Variants in MIA2 observed in about 807,000 individuals in gnomAD.
MIA2 encodes melanoma inhibitory activity protein 2.
A neutral mutation model predicts 167.8 loss-of-function variants in MIA2; 127 were observed. The ratio of observed to expected loss-of-function variants is 0.76; its 90% CI spans 0.66 to 0.88. The LOEUF is 0.88. Ranked by LOEUF, MIA2 falls within the 40% of genes least tolerant of loss-of-function variation. MIA2 has a pLI of 0.00. For synonymous variants in MIA2, 552 were observed against 541.9 expected, an observed-to-expected ratio of 1.02 and a Z score of -0.26; for missense variants, 1,690 against 1,624.7, an observed-to-expected ratio of 1.04 and a Z score of -0.69.
chr14:39,370,144 A>C (rs1319355861), intron 23 of MIA2: 1 of 152,246 alleles, frequency 6.6e-6, no homozygotes, highest in Non-Finnish European at 1.5e-5. Flanking sequence ...TACTAGCTCA[A>C]ACACTAGACA....
chr14:39,332,357 A>G (rs766248087), intron 25 of MIA2, among the ~76,000 whole-genome samples: 27 of 151,996 alleles, frequency 1.8e-4, no homozygotes, highest in African/African-American at 3.6e-4. Flanking sequence ...CCTTTTATCA[A>G]TGTTCTTAGC....
rs940638717 is a variant in MIA2, at chr14:39,266,933, C to G, written c.1888-10001C>G. The G allele has an allele frequency of 7.7e-6, 5 of 645,602 alleles. No homozygotes were observed. The African/African-American group carries it at 9.9e-5, about 13-fold the overall frequency. The allele number at this position is 645,602 out of a possible 1,614,324, so 40.0% of individuals were successfully genotyped here. ...GAGGCGGGTGCCCTTGGGACATAGC[C>G]CTGGTCTTTGGGGTTGTGCGGCTCA... On this transcript the variant is annotated intron_variant, in intron 6 of 28. Transcript: ENST00000640607.
In MIA2 at chr14:39,349,134, G is replaced by T. The variant is rs74048735; in HGVS notation, c.4072+157G>T. Among the ~76,000 whole-genome samples, 762 of 152,252 alleles carry T rather than the reference G, an allele frequency of 5.0e-3. 8 individuals carry two copies. Among genetic ancestry groups the T allele is most frequent in the African/African-American group, 0.017 (710 of 41,528 alleles). ...CTCATTACTTTTCCGAATTGGGAAG[G>T]CAGCCAGCCATAAGTGGACTGCAAT... On this transcript the variant is annotated intron_variant, in intron 28 of 28. Transcript: ENST00000640607.
At chr14:39,239,270 G>A (rs2053934807) in intron 2 of MIA2, among the ~76,000 whole-genome samples, 1 of 152,182 alleles carries the variant, frequency 6.6e-6, no homozygotes, top group Admixed American at 6.6e-5. Flanking sequence ...CTAAGGCCAG[G>A]TGTGGTGGCT....
intron 6 of MIA2, chr14:39,266,362 G>A: frequency 2.0e-6 from 2 of 985,238 alleles, no homozygotes; most frequent in Non-Finnish European, 1.2e-6. Flanking sequence ...TAAAAATAGA[G>A]TCCTAAATTT....
intron 6 of MIA2, chr14:39,265,537 TC>T: frequency 2.7e-6 from 2 of 750,494 alleles, no homozygotes. Context: ...TCTTTTTTTT[TC>T]ATTTTATCCT....
intron 6 of MIA2, among the ~76,000 whole-genome samples, chr14:39,275,251 C>T (rs2057823122): frequency 6.7e-6 from 1 of 150,352 alleles, no homozygotes; most frequent in African/African-American, 2.4e-5. Context: ...AGTGATTGTC[C>T]CACCTCAGCC....
chr14:39,252,124 G>A (rs1384661853), intron 4 of MIA2, among the ~76,000 whole-genome samples: 1 of 152,024 alleles, frequency 6.6e-6, no homozygotes, highest in Non-Finnish European at 1.5e-5. Flanking sequence ...CTTGGCTGAG[G>A]AATAAAGAAA....
intron 4 of MIA2, among the ~76,000 whole-genome samples, chr14:39,251,838 A>G (rs529268913): frequency 6.6e-6 from 1 of 152,318 alleles, no homozygotes; most frequent in African/African-American, 2.4e-5. Flanking sequence ...ACATTGAACA[A>G]TTCACTTACT....
chr14:39,325,136 T>C (rs567548521), intron 24 of MIA2, among the ~76,000 whole-genome samples: 38 of 152,052 alleles, frequency 2.5e-4, no homozygotes, highest in African/African-American at 5.3e-4. Flanking sequence ...GGTGGGAGAA[T>C]TGCTTGAGCC....
chr14:39,254,865 G>A (rs910987873), intron 6 of MIA2, among the ~76,000 whole-genome samples: 3 of 152,198 alleles, frequency 2.0e-5, no homozygotes, highest in Non-Finnish European at 4.4e-5. Context: ...TGATTGGAAG[G>A]ACAAATTGGA....
At chr14:39,284,335 G>A (rs1014742389) in intron 9 of MIA2, among the ~76,000 whole-genome samples, 1 of 151,884 alleles carries the variant, frequency 6.6e-6, no homozygotes, top group African/African-American at 2.4e-5. Context: ...GTATATTCTT[G>A]GTGCCCTATT....
intron 6 of MIA2, 87 bp from the exon 7 acceptor site, chr14:39,276,847 T>G: frequency 1.4e-6 from 2 of 1,456,072 alleles, no homozygotes; most frequent in South Asian, 2.5e-5. Context: ...CCATTTTGTG[T>G]TGACCACATA....
At chr14:39,353,958 C>A (rs1391975036), downstream of MIA2, among the ~76,000 whole-genome samples, 1 of 152,208 alleles carries the variant, frequency 6.6e-6, no homozygotes, top group Non-Finnish European at 1.5e-5. Context: ...TTAATCCAGT[C>A]TATCATTGTC....
chr14:39,288,449 A>ATTTTTTT (rs1566746769), intron 9 of MIA2, among the ~76,000 whole-genome samples: 2 of 4,376 alleles, frequency 4.6e-4, no homozygotes, highest in Admixed American at 1.6e-3. Context: ...ATATATATAT[A>ATTTTTTT]TATATATATA....
At chr14:39,279,570 G>T in intron 9 of MIA2, 33 bp downstream of exon 9, 1 of 1,420,588 alleles carries the variant, frequency 7.0e-7, no homozygotes, top group South Asian at 1.2e-5. Flanking sequence ...ATTCATGTTA[G>T]AGTCAGAGAA....
chr14:39,298,544 T>TTTTTTTGTG (rs2061861600), intron 13 of MIA2, among the ~76,000 whole-genome samples: 2 of 138,406 alleles, frequency 1.4e-5, no homozygotes, highest in African/African-American at 5.2e-5. Flanking sequence ...TTTTTTTTTT[T>TTTTTTTGTG]TTTTTTTTTT....
Position 39,315,386 on chromosome 14 carries a change from T to TC in MIA2, c.3181-296dup, listed in dbSNP as rs1320947874. On this transcript the variant is annotated intron_variant, in intron 20 of 28. Transcript: ENST00000640607. ...GTAGATTGCATCACATAAATGTGTA[T>TC]CAACAGTGGGGTCTCATACTCAGTC... The TC allele has an allele frequency of 1.6e-5, 4 of 251,332 alleles. No individual in the cohort carries two copies. The East Asian group carries it at 3.5e-4, about 22-fold the overall frequency. 15.6% of individuals were successfully genotyped at this position (251,332 alleles called of 1,614,324 possible).
At chr14:39,355,372 A>C (rs917748265), downstream of MIA2, among the ~76,000 whole-genome samples, 90 of 152,248 alleles carry the variant, frequency 5.9e-4, no homozygotes, top group African/African-American at 1.9e-3. Flanking sequence ...TTGGTGTATA[A>C]GAATGCTTGT....
Sources: gnomAD v4.1 joint callset for allele counts (sites outside exome capture counted in the v4.1 genomes callset) on GRCh38, gnomAD v4.1.1 for gene constraint, MANE v1.5 for transcripts, NCBI Gene and HGNC (gene_info 2026-07-23, HGNC 2026-07-21) for gene names.